ABCC4: variants seen among roughly 807,000 people sequenced by gnomAD.
ABCC4 encodes the protein ATP-binding cassette sub-family C member 4.
A neutral mutation model predicts 168.5 loss-of-function variants in ABCC4; 102 were observed. The ratio of observed to expected loss-of-function variants is 0.61; its 90% CI spans 0.52 to 0.71. The LOEUF is 0.71. Ranked by LOEUF, ABCC4 falls within the 30% of genes least tolerant of loss-of-function variation. The pLI is 0.00. For missense variants in ABCC4, 1,402 were observed against 1,605.8 expected, an observed-to-expected ratio of 0.87 and a Z score of 2.17; for synonymous variants, 617 against 590.7, an observed-to-expected ratio of 1.04 and a Z score of -0.65.
chr13:95,074,339 G>T lies in ABCC4; in HGVS notation c.2807-15C>A. On this transcript the variant is annotated splice_polypyrimidine_tract_variant and intron_variant, in intron 22 of 30. Coordinates refer to ENST00000645237, the MANE Select transcript of ABCC4 (RefSeq NM_005845.5). ...GAACCAAGCCTCTGAATTTGAGAAC[G>T]GTAATAAGCATGATGAATAAGTAGA... 1 of 1,583,762 alleles carries T rather than the reference G, an allele frequency of 6.3e-7. No homozygotes were observed. Among genetic ancestry groups the T allele is most frequent in the South Asian group, 1.1e-5 (1 of 88,948 alleles).
At chr13:95,131,124 A>T (rs1368717102) in intron 19 of ABCC4, among the ~76,000 whole-genome samples, 8 of 152,206 alleles carry the variant, frequency 5.3e-5, no homozygotes, top group Non-Finnish European at 1.0e-4. Context: ...TTAATTTACT[A>T]CTTGAAAAAG....
chr13:95,112,542 T>C (rs1158524403), intron 20 of ABCC4, among the ~76,000 whole-genome samples: 2 of 152,166 alleles, frequency 1.3e-5, no homozygotes, highest in Admixed American at 6.6e-5. Context: ...TAATCTTCAT[T>C]CTATTTGTTA....
chr13:95,063,905 T>C (rs1055785009), intron 25 of ABCC4, among the ~76,000 whole-genome samples: 1 of 152,190 alleles, frequency 6.6e-6, no homozygotes, highest in African/African-American at 2.4e-5. Flanking sequence ...CCTCCTTATT[T>C]AGAAATCTGG....
chr13:95,297,206 G>A (rs1406652289), intron 1 of ABCC4, among the ~76,000 whole-genome samples: 1 of 149,784 alleles, frequency 6.7e-6, no homozygotes, highest in Non-Finnish European at 1.5e-5. Context: ...TGGAGGCGGA[G>A]GTTGCAGTGA....
chr13:95,126,954 A>C (rs2035803637), intron 19 of ABCC4, among the ~76,000 whole-genome samples: 1 of 151,224 alleles, frequency 6.6e-6, no homozygotes, highest in Non-Finnish European at 1.5e-5. Context: ...TTCTTTAAAA[A>C]TTCAGATAAA....
chr13:95,183,768 GC>G (rs2037972715), intron 11 of ABCC4, among the ~76,000 whole-genome samples: 2 of 152,118 alleles, frequency 1.3e-5, no homozygotes, highest in South Asian at 4.1e-4. Context: ...AAAAAAATTA[GC>G]CAGGCATGGT....
rs140540803 is a variant in ABCC4 at position 95,078,751 on chromosome 13, T to C, written c.2687-3200A>G. ...TAGTTCAGAGAAATCACTAGAACCA[T>C]GCTCTTACCTCCAGAGCAAGGGAGT... On this transcript the variant is annotated intron_variant, in intron 21 of 30. Coordinates refer to ENST00000645237, the MANE Select transcript of ABCC4 (RefSeq NM_005845.5). Among the ~76,000 whole-genome samples the C allele has an allele frequency of 2.0e-3, 302 of 152,338 alleles. 2 individuals carry two copies. The highest frequency in any genetic ancestry group is 6.8e-3 in the African/African-American group (281 of 41,574).
chr13:95,047,548 C>A (rs1279677739), intron 27 of ABCC4, among the ~76,000 whole-genome samples: 2 of 132,610 alleles, frequency 1.5e-5, no homozygotes, highest in East Asian at 4.4e-4. Context: ...GGTGCGATCT[C>A]AGCTCACTGC....
chr13:95,187,092 T>C lies in ABCC4; in HGVS notation c.1354-200A>G, dbSNP rs141805318. ...TAGTTTATAAGGAATATTAACAAAA[T>C]AGAGTGTAACAATCTACTCTGCCCT... On this transcript the variant is annotated intron_variant, in intron 10 of 30. Coordinates refer to ENST00000645237, the MANE Select transcript of ABCC4 (RefSeq NM_005845.5). Among the ~76,000 whole-genome samples, 412 of 152,242 alleles carry C rather than the reference T, an allele frequency of 2.7e-3. 4 individuals are homozygous for C. The highest frequency in any genetic ancestry group is 9.5e-3 in the African/African-American group (396 of 41,540).
intron 19 of ABCC4, among the ~76,000 whole-genome samples, chr13:95,139,815 A>T (rs2036259880): frequency 6.6e-6 from 1 of 152,232 alleles, no homozygotes; most frequent in African/African-American, 2.4e-5. Flanking sequence ...AATTTAAAAA[A>T]GCAACAACAA....
In ABCC4 at chr13:95,283,131, G is replaced by A. The variant is rs182018284; in HGVS notation, c.74+18110C>T. Among the ~76,000 whole-genome samples the A allele has an allele frequency of 8.4e-4, 127 of 151,022 alleles. 1 individual carries two copies. In the East Asian group the frequency reaches 0.012, roughly 15 times the overall value. The stretch of plus-strand genomic sequence containing the variant: ...CTTGGGAGGCTGGGGCAGGAGAATC[G>A]CTTGAACCTGGGAGGCGGAGGCTGC... On this transcript the variant is annotated intron_variant, in intron 1 of 30. Transcript: ENST00000645237.
intron 1 of ABCC4, among the ~76,000 whole-genome samples, chr13:95,286,123 C>CTTTTTTTTTTTTTT (rs773328777): frequency 0.46 from 46,474 of 101,576 alleles, 14,494 homozygotes; most frequent in Non-Finnish European, 0.6. Flanking sequence ...TCCAGAAAAA[C>CTTTTTTTTTTTTTT]TTTTTTTTTT....
At position 95,083,207 on chromosome 13, in the gene ABCC4, G is replaced by T. The variant is rs2034153770; in HGVS notation, c.2619C>A (p.Ile873=). Residue 873 remains isoleucine, a synonymous_variant, in exon 21 of 31, where the codon ATC becomes ATA. Coordinates refer to ENST00000645237, the MANE Select transcript of ABCC4 (RefSeq NM_005845.5). ...WIAIPLVPLG[I]IFIFLRRYFL... is the part of the protein sequence containing the mutation. ...AATATCGCCGAAGAAAAATGAAAAT[G>T]ATTCCAAGGGGAACCAAGGGTATTG... The T allele has an allele frequency of 3.1e-6, 5 of 1,613,858 alleles. No individual in the cohort carries two copies. In the Admixed American group the frequency reaches 8.3e-5, roughly 27 times the overall value.
At chr13:95,067,152 A>G (rs768204531) in intron 25 of ABCC4, among the ~76,000 whole-genome samples, 2 of 152,204 alleles carry the variant, frequency 1.3e-5, no homozygotes, top group Non-Finnish European at 2.9e-5. Context: ...ACTCAAATAC[A>G]TCGCTGTGCT....
chr13:95,092,539 G>A (rs2034468676), intron 20 of ABCC4, among the ~76,000 whole-genome samples: 1 of 152,060 alleles, frequency 6.6e-6, no homozygotes, highest in South Asian at 2.1e-4. Flanking sequence ...TGACAATAAT[G>A]ACACAACCTA....
intron 19 of ABCC4, among the ~76,000 whole-genome samples, chr13:95,145,074 C>A (rs2036447360): frequency 6.6e-6 from 1 of 151,968 alleles, no homozygotes; most frequent in South Asian, 2.1e-4. Flanking sequence ...CAGAGAAATG[C>A]AAATCAAAAC....
chr13:95,184,844 C>T (rs1276742760), intron 11 of ABCC4, among the ~76,000 whole-genome samples: 1 of 152,202 alleles, frequency 6.6e-6, no homozygotes, highest in Admixed American at 6.5e-5. Context: ...TGGTTATCAA[C>T]TGTAACTACC....
chr13:95,182,267 T>A (rs1044441449), intron 11 of ABCC4, among the ~76,000 whole-genome samples: 2 of 152,192 alleles, frequency 1.3e-5, no homozygotes, highest in African/African-American at 2.4e-5. Context: ...TATAAGATAG[T>A]GGGTACACCA....
At chr13:95,287,020 C>G (rs7998398) in intron 1 of ABCC4, among the ~76,000 whole-genome samples, 1 of 151,492 alleles carries the variant, frequency 6.6e-6, no homozygotes, top group Non-Finnish European at 1.5e-5. Context: ...TTTCATTGAC[C>G]GGGCACGATG....
Sources: allele counts gnomAD v4.1 joint callset (sites outside exome capture counted in the v4.1 genomes callset), GRCh38; gene constraint gnomAD v4.1.1; transcripts MANE v1.5; gene names NCBI Gene and HGNC (gene_info 2026-07-23, HGNC 2026-07-21).